The following ACER3 variants were observed in gnomAD, a reference collection of about 807,000 sequenced individuals.
ACER3 encodes the protein alkCDase 3.
ACER3 carries 16 observed loss-of-function variants against 48.9 expected under a neutral mutation model. The observed-to-expected ratio is 0.33, with a 90% confidence interval of 0.22 to 0.50. The LOEUF (loss-of-function observed/expected upper bound fraction) is 0.50. Among genes scored for constraint, ACER3 ranks in the 20% least tolerant of loss-of-function variants. The pLI is 0.98. For synonymous variants in ACER3, 109 were observed against 107.8 expected (o/e 1.01, Z -0.07); for missense variants, 227 against 326.0 (o/e 0.70, Z 2.34).
chr11:76,953,367 G>C lies in ACER3; in HGVS notation c.215-5612G>C, dbSNP rs370888418. On this transcript the variant is annotated intron_variant, in intron 2 of 10. Coordinates refer to ENST00000532485, the MANE Select transcript of ACER3 (RefSeq NM_018367.7). Reference sequence around the variant, plus strand: ...TAATCCCAGCGCTTTGGGAGGCCGAGGTGGGTGGATTACTTGAGGTCAGGA... The same window carrying C: ...TAATCCCAGCGCTTTGGGAGGCCGACGTGGGTGGATTACTTGAGGTCAGGA... 1.1e-4 allele frequency among the ~76,000 whole-genome samples: 16 copies of C among 152,266 alleles called. No individual in the cohort carries two copies. The East Asian group carries it at 3.1e-3, about 29-fold the overall frequency.
At chr11:76,938,388 G>C (rs1404874310) in intron 2 of ACER3, among the ~76,000 whole-genome samples, 1 of 152,090 alleles carries the variant, frequency 6.6e-6, no homozygotes, top group Non-Finnish European at 1.5e-5. Flanking sequence ...GTACTATCAC[G>C]GCTTACTGCG....
rs114059496 is a variant in ACER3 at position 77,023,629 on chromosome 11, C to T, written c.*3302C>T. Reference sequence around the variant, plus strand: ...GTAAAACTGAGTATTTCAAAGAGAACCATTTACAATTGGAATTTCCACCTG... The same window carrying T: ...GTAAAACTGAGTATTTCAAAGAGAATCATTTACAATTGGAATTTCCACCTG... On this transcript the variant is annotated 3_prime_UTR_variant, in exon 11 of 11. Coordinates refer to ENST00000532485, the MANE Select transcript of ACER3 (RefSeq NM_018367.7). 404 of 158,860 alleles carry T rather than the reference C, an allele frequency of 2.5e-3. 2 individuals are homozygous for T. Among genetic ancestry groups the T allele is most frequent in the African/African-American group, 9.1e-3 (383 of 41,966 alleles). 9.8% of individuals were successfully genotyped at this position (158,860 alleles called of 1,614,324 possible). A position where few individuals can be genotyped will look rare whatever the true frequency, so the allele number is the denominator to read the frequency against.
chr11:76,909,860 G>T lies in ACER3; in HGVS notation c.104-16697G>T, dbSNP rs187576422. The stretch of plus-strand genomic sequence containing the variant: ...GCACTATTCACAATAGCAAAGACTT[G>T]GAACCAACCCAGATGCCCATCAATG... On this transcript the variant is annotated intron_variant, in intron 1 of 10. Coordinates refer to ENST00000532485, the MANE Select transcript of ACER3 (RefSeq NM_018367.7). 2.3e-3 allele frequency among the ~76,000 whole-genome samples: 345 copies of T among 152,144 alleles called. 2 individuals carry two copies. The highest frequency in any genetic ancestry group is 3.0e-3 in the Non-Finnish European group (202 of 68,020).
intron 3 of ACER3, among the ~76,000 whole-genome samples, chr11:76,970,179 G>A (rs1057379708): frequency 2.6e-5 from 4 of 151,950 alleles, no homozygotes; most frequent in Non-Finnish European, 5.9e-5. Context: ...GAGGCATGTC[G>A]GACCTCCTTT....
At chr11:76,926,203 A>G (rs1213340044) in intron 1 of ACER3, among the ~76,000 whole-genome samples, 2 of 152,186 alleles carry the variant, frequency 1.3e-5, no homozygotes, top group Admixed American at 6.5e-5. Flanking sequence ...GCATCCATGG[A>G]CCACAATTTC....
chr11:76,974,691 G>A (rs61900120), intron 3 of ACER3, among the ~76,000 whole-genome samples: 21 of 151,856 alleles, frequency 1.4e-4, no homozygotes, highest in African/African-American at 4.8e-4. Flanking sequence ...GGAAAGAAAC[G>A]TGAAGAACTG....
chr11:76,871,559 A>T (rs1159721400), intron 1 of ACER3, among the ~76,000 whole-genome samples: 2 of 152,194 alleles, frequency 1.3e-5, no homozygotes, highest in Non-Finnish European at 2.9e-5. Flanking sequence ...AAATCCCTGG[A>T]ATCAATAGCA....
At chr11:76,868,194 G>A in intron 1 of ACER3, 1 of 1,289,650 alleles carries the variant, frequency 7.8e-7, no homozygotes, top group Non-Finnish European at 1.0e-6. Flanking sequence ...TTTGGTCTTG[G>A]GACTCTGGGC....
chr11:76,996,702 G>T (rs181963539), intron 6 of ACER3, among the ~76,000 whole-genome samples: 43 of 142,544 alleles, frequency 3.0e-4, no homozygotes, highest in East Asian at 1.5e-3. Context: ...TTACAGGCAT[G>T]AGCCACCCCA....
At chr11:76,951,054 T>C (rs985418013) in intron 2 of ACER3, among the ~76,000 whole-genome samples, 10 of 152,198 alleles carry the variant, frequency 6.6e-5, no homozygotes, top group African/African-American at 2.4e-4. Flanking sequence ...ATCCTTACCA[T>C]GAAATGATCC....
chr11:76,894,725 A>C (rs1351195560), intron 1 of ACER3, among the ~76,000 whole-genome samples: 1 of 152,248 alleles, frequency 6.6e-6, no homozygotes, highest in Non-Finnish European at 1.5e-5. Context: ...AATATTGCAA[A>C]GATGTCACAA....
chr11:76,939,238 C>A (rs779485978), intron 2 of ACER3, among the ~76,000 whole-genome samples: 5 of 152,148 alleles, frequency 3.3e-5, no homozygotes, highest in Non-Finnish European at 2.9e-5. Context: ...ACTATTTGGT[C>A]AGAGTGTTTG....
rs181070818 is a variant in ACER3, at chr11:76,916,392, T to A, written c.104-10165T>A. Reference sequence around the variant, plus strand: ...TAGTAGATGATCAGTGGGTATTTGCTATTGAATGAATATAAGGCCACTGCC... The same window carrying A: ...TAGTAGATGATCAGTGGGTATTTGCAATTGAATGAATATAAGGCCACTGCC... On this transcript the variant is annotated intron_variant, in intron 1 of 10. Coordinates refer to ENST00000532485, the MANE Select transcript of ACER3 (RefSeq NM_018367.7). Among the ~76,000 whole-genome samples the A allele has an allele frequency of 1.5e-3, 228 of 152,360 alleles. 1 individual carries two copies. The highest frequency in any genetic ancestry group is 1.7e-3 in the Non-Finnish European group (114 of 68,038).
chr11:76,953,981 C>T (rs1947762591), intron 2 of ACER3, among the ~76,000 whole-genome samples: 3 of 138,778 alleles, frequency 2.2e-5, no homozygotes, highest in South Asian at 4.5e-4. Context: ...GAGTTTCACT[C>T]TTGTCGCCCA....
intron 1 of ACER3, among the ~76,000 whole-genome samples, chr11:76,905,197 A>G (rs1468161621): frequency 6.6e-6 from 1 of 152,076 alleles, no homozygotes; most frequent in African/African-American, 2.4e-5. Context: ...GCATTATGAA[A>G]TATTTTGTGG....
intron 2 of ACER3, among the ~76,000 whole-genome samples, chr11:76,940,140 G>C (rs533447201): frequency 7.9e-5 from 12 of 152,042 alleles, no homozygotes; most frequent in Admixed American, 1.3e-4. Context: ...CTTTATTTTA[G>C]ATACTTAAAT....
intron 2 of ACER3, among the ~76,000 whole-genome samples, chr11:76,930,084 G>C (rs1432521834): frequency 1.3e-5 from 2 of 151,708 alleles, no homozygotes; most frequent in African/African-American, 4.8e-5. Context: ...ATTTGGCTGT[G>C]AGTCCGTCTG....
chr11:76,922,658 C>T (rs545287956), intron 1 of ACER3, among the ~76,000 whole-genome samples: 133 of 152,224 alleles, frequency 8.7e-4, no homozygotes, highest in African/African-American at 3.1e-3. Flanking sequence ...ATTGTGCTAG[C>T]ACATCTAGTG....
intron 4 of ACER3, among the ~76,000 whole-genome samples, chr11:76,978,824 T>A (rs1182199822): frequency 1.2e-4 from 18 of 152,186 alleles, no homozygotes; most frequent in Admixed American, 1.2e-3. Context: ...ATTCCCCTTG[T>A]CCAGATGGGG....
Sources: allele counts gnomAD v4.1 joint callset (sites outside exome capture counted in the v4.1 genomes callset), GRCh38; gene constraint gnomAD v4.1.1; transcripts MANE v1.5; gene names NCBI Gene and HGNC (gene_info 2026-07-23, HGNC 2026-07-21).